Variants in VWA8 observed in about 807,000 individuals in gnomAD.
VWA8 encodes von Willebrand factor A domain-containing protein 8.
In VWA8, 221 loss-of-function variants were observed where a neutral mutation model predicts 241.5. The ratio of observed to expected loss-of-function variants is 0.91; its 90% CI spans 0.82 to 1.02. VWA8 has a LOEUF of 1.02. VWA8 is among the 50% of genes least tolerant of loss of function. The pLI, the probability that VWA8 is intolerant of heterozygous loss-of-function variation, is 0.00. For synonymous variants in VWA8, 852 were observed against 827.1 expected (o/e 1.03, Z -0.52); for missense variants, 2,322 against 2,328.7 (o/e 1.00, Z 0.06).
At position 41,674,118 on chromosome 13, in the gene VWA8, A is replaced by T. The variant is rs146413456; in HGVS notation, c.4409+1097T>A. On this transcript the variant is annotated intron_variant, in intron 36 of 44. Transcript: ENST00000379310. ...GGATGTTCCAAGAAGTCATACTTATATATGTTGGAAGAAGTATATTTATTT... is the reference window on the plus strand; with the variant it reads ...GGATGTTCCAAGAAGTCATACTTATTTATGTTGGAAGAAGTATATTTATTT... 1.7e-3 allele frequency among the ~76,000 whole-genome samples: 256 copies of T among 152,362 alleles called. 1 individual carries two copies. Among genetic ancestry groups the T allele is most frequent in the African/African-American group, 5.9e-3 (246 of 41,582 alleles).
chr13:41,745,527 C>T (rs2045598900), intron 21 of VWA8, among the ~76,000 whole-genome samples: 1 of 151,964 alleles, frequency 6.6e-6, no homozygotes, highest in Non-Finnish European at 1.5e-5. Context: ...ATCAAACAAC[C>T]CTATCAAAAA....
At chr13:41,941,874 G>T (rs1203037304) in intron 2 of VWA8, among the ~76,000 whole-genome samples, 2 of 152,178 alleles carry the variant, frequency 1.3e-5, no homozygotes, top group African/African-American at 4.8e-5. Flanking sequence ...GGCACTGCTA[G>T]AAAGTAGTAC....
intron 38 of VWA8, among the ~76,000 whole-genome samples, chr13:41,613,659 G>T (rs1255465957): frequency 6.6e-6 from 1 of 152,180 alleles, no homozygotes; most frequent in African/African-American, 2.4e-5. Context: ...ACTTCCCAGA[G>T]CCTTTAATTT....
chr13:41,831,513 T>C (rs1473047059), intron 13 of VWA8, among the ~76,000 whole-genome samples: 3 of 152,050 alleles, frequency 2.0e-5, no homozygotes, highest in Middle Eastern at 3.2e-3. Flanking sequence ...ATCTTGACTG[T>C]ACGTTAGAAT....
intron 17 of VWA8, among the ~76,000 whole-genome samples, chr13:41,792,623 C>A (rs570720315): frequency 6.6e-6 from 1 of 152,050 alleles, no homozygotes; most frequent in Non-Finnish European, 1.5e-5. Context: ...AATTTTGAGA[C>A]CAGCTTGTCA....
chr13:41,571,257 T>C (rs1430633458), intron 43 of VWA8, among the ~76,000 whole-genome samples: 1 of 147,232 alleles, frequency 6.8e-6, no homozygotes, highest in Non-Finnish European at 1.5e-5. Flanking sequence ...TATGATTGTA[T>C]ATCTAGAAAA....
intron 20 of VWA8, among the ~76,000 whole-genome samples, chr13:41,773,922 T>C (rs868410135): frequency 1.3e-5 from 2 of 152,196 alleles, no homozygotes; most frequent in Non-Finnish European, 2.9e-5. Flanking sequence ...CTATATCCAG[T>C]TGAATGGGCT....
intron 24 of VWA8, among the ~76,000 whole-genome samples, chr13:41,724,559 A>G (rs770600839): frequency 3.9e-5 from 6 of 152,164 alleles, no homozygotes; most frequent in South Asian, 2.1e-4. Context: ...TTTACCTGCA[A>G]CAAGTGGGAA....
Position 41,664,185 on chromosome 13 carries a change from C to T in VWA8, c.4611+6761G>A, listed in dbSNP as rs76367028. Reference sequence around the variant, plus strand: ...TGGTTTTAGTCTACTTGATTAATAGCTTGGCTGGATATAAATTCTAGCCGG... The same window carrying T: ...TGGTTTTAGTCTACTTGATTAATAGTTTGGCTGGATATAAATTCTAGCCGG... On this transcript the variant is annotated intron_variant, in intron 37 of 44. Coordinates refer to ENST00000379310, the MANE Select transcript of VWA8 (RefSeq NM_015058.2). Among the ~76,000 whole-genome samples the T allele has an allele frequency of 5.3e-3, 801 of 152,050 alleles. 5 individuals are homozygous for T. The highest frequency in any genetic ancestry group is 0.018 in the African/African-American group (764 of 41,492).
intron 1 of VWA8, among the ~76,000 whole-genome samples, chr13:41,959,260 A>G (rs1878479484): frequency 6.6e-6 from 1 of 152,184 alleles, no homozygotes; most frequent in Admixed American, 6.5e-5. Flanking sequence ...CAGTTAAGAA[A>G]ACTAGGACAC....
At chr13:41,808,932 T>C (rs1244766117) in intron 17 of VWA8, among the ~76,000 whole-genome samples, 1 of 150,102 alleles carries the variant, frequency 6.7e-6, no homozygotes, top group Non-Finnish European at 1.5e-5. Flanking sequence ...AAAATCAACA[T>C]ACAAAAATCA....
chr13:41,635,362 T>C (rs1416915344), intron 37 of VWA8, among the ~76,000 whole-genome samples: 1 of 152,096 alleles, frequency 6.6e-6, no homozygotes, highest in Non-Finnish European at 1.5e-5. Flanking sequence ...TTTAGAGATA[T>C]GGGGGCAAAA....
intron 20 of VWA8, among the ~76,000 whole-genome samples, chr13:41,772,327 G>T (rs2045830263): frequency 6.6e-6 from 1 of 152,160 alleles, no homozygotes; most frequent in African/African-American, 2.4e-5. Context: ...GTCTGGGAAG[G>T]TGGGGAAGGC....
At chr13:41,592,511 GA>G (rs1207812744) in intron 40 of VWA8, among the ~76,000 whole-genome samples, 1 of 147,226 alleles carries the variant, frequency 6.8e-6, no homozygotes, top group Non-Finnish European at 1.5e-5. Flanking sequence ...AAAAATTCAG[GA>G]AGCATTGACA....
chr13:41,572,382 G>C (rs2044313476), intron 43 of VWA8, among the ~76,000 whole-genome samples: 1 of 152,214 alleles, frequency 6.6e-6, no homozygotes, highest in African/African-American at 2.4e-5. Flanking sequence ...GGGGAAAAGA[G>C]ATCAGATTGT....
chr13:41,760,612 C>T (rs1005476361), intron 21 of VWA8, among the ~76,000 whole-genome samples: 2 of 151,670 alleles, frequency 1.3e-5, no homozygotes, highest in African/African-American at 4.8e-5. Flanking sequence ...CTAAAAATGA[C>T]CCATATTGAG....
intron 28 of VWA8, among the ~76,000 whole-genome samples, chr13:41,700,183 G>A (rs1593705110): frequency 6.6e-6 from 1 of 152,128 alleles, no homozygotes; most frequent in African/African-American, 2.4e-5. Context: ...TAAGACATGA[G>A]ATATGACAAT....
rs1566048741 is a variant in VWA8, at chr13:41,947,953, ACAAAAC to A, written c.241+1977_241+1982del. Among the ~76,000 whole-genome samples the A allele has an allele frequency of 8.3e-4, 85 of 101,928 alleles. 14 individuals are homozygous for A. The highest frequency in any genetic ancestry group is 1.1e-3 in the African/African-American group (33 of 30,002). The allele number at this position is 101,928 out of a possible 152,430, so 66.9% of individuals were successfully genotyped here. On this transcript the variant is annotated intron_variant, in intron 2 of 44. Transcript: ENST00000379310. The stretch of plus-strand genomic sequence containing the variant: ...TCTCAAAAAAAAAAAAAAAAAAAAA[ACAAAAC>A]AAAACATTTTGGTAATTCCTTGAAA...
intron 37 of VWA8, among the ~76,000 whole-genome samples, chr13:41,618,107 G>A (rs1235220402): frequency 6.6e-5 from 10 of 152,142 alleles, no homozygotes; most frequent in East Asian, 3.8e-4. Context: ...GTGTAAAAGC[G>A]TTCCTATTTC....
Sources: allele counts gnomAD v4.1 joint callset (sites outside exome capture counted in the v4.1 genomes callset), GRCh38; gene constraint gnomAD v4.1.1; transcripts MANE v1.5; gene names NCBI Gene and HGNC (gene_info 2026-07-23, HGNC 2026-07-21).